Variants in ERC1 observed in about 807,000 individuals in gnomAD.
ERC1 encodes the protein ELKS/RAB6-interacting/CAST family member 1, also known as RAB6 interacting protein 2.
A neutral mutation model predicts 132.0 loss-of-function variants in ERC1; 56 were observed. The observed-to-expected ratio is 0.42, with a 90% CI of 0.34 to 0.53. The LOEUF is 0.53. Among genes scored for constraint, ERC1 ranks in the 20% least tolerant of loss-of-function variants. The pLI is 0.03. For missense variants in ERC1, 1,202 were observed against 1,349.9 expected, an observed-to-expected ratio of 0.89 and a Z score of 1.72; for synonymous variants, 478 against 476.1, an observed-to-expected ratio of 1.00 and a Z score of -0.05.
At chr12:1,326,540 C>T (rs969844514) in intron 15 of ERC1, among the ~76,000 whole-genome samples, 2 of 152,130 alleles carry the variant, frequency 1.3e-5, no homozygotes, top group Admixed American at 6.5e-5. Context: ...TTTATCAAAG[C>T]CAGAAAGACT....
intron 15 of ERC1, among the ~76,000 whole-genome samples, chr12:1,292,003 G>T (rs1054861311): frequency 2.6e-5 from 4 of 152,138 alleles, no homozygotes; most frequent in African/African-American, 9.7e-5. Flanking sequence ...AAGGATAAAA[G>T]GGAGCAGGGG....
At chr12:1,032,735 T>C (rs545028671) in intron 2 of ERC1, among the ~76,000 whole-genome samples, 16 of 152,230 alleles carry the variant, frequency 1.1e-4, no homozygotes, top group Non-Finnish European at 2.4e-4. Context: ...CATTTTTGAG[T>C]TGTCAGTACA....
At chr12:1,053,007 C>T (rs1217116781) in intron 2 of ERC1, among the ~76,000 whole-genome samples, 1 of 151,400 alleles carries the variant, frequency 6.6e-6, no homozygotes, top group Admixed American at 6.6e-5. Context: ...ATCATTTTAT[C>T]CTGTTTTTCT....
chr12:1,147,197 G>A (rs1950457858), intron 8 of ERC1, among the ~76,000 whole-genome samples: 1 of 152,158 alleles, frequency 6.6e-6, no homozygotes, highest in African/African-American at 2.4e-5. Context: ...TCCTTATCTT[G>A]TTCCAGTTCT....
At chr12:1,147,041 G>T (rs112164542) in intron 8 of ERC1, among the ~76,000 whole-genome samples, 1 of 152,108 alleles carries the variant, frequency 6.6e-6, no homozygotes, top group Non-Finnish European at 1.5e-5. Context: ...CATTTGGGTT[G>T]ATTCCAAGTC....
chr12:1,026,386 C>T (rs911884406), intron 1 of ERC1, among the ~76,000 whole-genome samples: 1 of 152,186 alleles, frequency 6.6e-6, no homozygotes, highest in African/African-American at 2.4e-5. Context: ...ACAGCCAAAC[C>T]ATATCACTCA....
chr12:1,192,730 A>T (rs921393133), intron 12 of ERC1, among the ~76,000 whole-genome samples: 4 of 152,182 alleles, frequency 2.6e-5, no homozygotes, highest in African/African-American at 9.7e-5. Context: ...GTCTTATACT[A>T]GAGTGAATTG....
Position 1,151,316 on chromosome 12 carries a change from A to T in ERC1, c.1737+9529A>T, listed in dbSNP as rs192137015. 2.5e-3 allele frequency among the ~76,000 whole-genome samples: 378 copies of T among 152,328 alleles called. 1 individual carries two copies. Among genetic ancestry groups the T allele is most frequent in the Admixed American group, 8.1e-3 (124 of 15,304 alleles). On this transcript the variant is annotated intron_variant, in intron 8 of 18. Transcript: ENST00000360905. ...AGGTTGTATGAATTTATTGGGGAAGAGGGAAGGCTACAAAGTAGTCAACCT... is the reference window on the plus strand; with the variant it reads ...AGGTTGTATGAATTTATTGGGGAAGTGGGAAGGCTACAAAGTAGTCAACCT...
intron 18 of ERC1, among the ~76,000 whole-genome samples, chr12:1,445,369 A>G (rs1051535521): frequency 1.4e-4 from 21 of 151,818 alleles, no homozygotes; most frequent in African/African-American, 4.8e-4. Flanking sequence ...AGCTGGGACT[A>G]CAGGCGCGTG....
chr12:1,436,691 GT>G (rs1266329054), intron 17 of ERC1, among the ~76,000 whole-genome samples: 26 of 151,990 alleles, frequency 1.7e-4, no homozygotes, highest in Non-Finnish European at 1.0e-4. Flanking sequence ...GCCTCAGAGG[GT>G]CAGAAGAGAG....
At chr12:1,381,090 C>G (rs1012306757) in intron 16 of ERC1, 1 of 152,188 alleles carries the variant, frequency 6.6e-6, no homozygotes, top group Non-Finnish European at 1.5e-5. Context: ...AGACATTCCT[C>G]AAAACACATC....
chr12:1,443,809 TG>T (rs1339394720), intron 17 of ERC1: 1 of 152,202 alleles, frequency 6.6e-6, no homozygotes. Flanking sequence ...AAGGAGTAGC[TG>T]TTCAAGCAGG....
intron 1 of ERC1, among the ~76,000 whole-genome samples, chr12:1,026,660 CAGTA>C (rs1193269015): frequency 2.0e-5 from 3 of 152,244 alleles, no homozygotes; most frequent in African/African-American, 7.2e-5. Flanking sequence ...TACATATAAA[CAGTA>C]AGTAAGCTCA....
chr12:1,228,784 G>A (rs1057302381), intron 12 of ERC1, among the ~76,000 whole-genome samples: 9 of 152,226 alleles, frequency 5.9e-5, no homozygotes, highest in African/African-American at 2.2e-4. Context: ...ATGATTGTGT[G>A]ATTTTTATCG....
At chr12:1,374,464 G>C (rs952322173) in intron 16 of ERC1, among the ~76,000 whole-genome samples, 1 of 152,144 alleles carries the variant, frequency 6.6e-6, no homozygotes, top group African/African-American at 2.4e-5. Flanking sequence ...ATCAGAGGAA[G>C]GGGCCAGGGC....
chr12:1,227,829 G>A (rs73027405), intron 12 of ERC1, among the ~76,000 whole-genome samples: 11,218 of 152,172 alleles, frequency 0.074, 793 homozygotes, highest in African/African-American at 0.19. Context: ...CAATTTCTGT[G>A]TATGGTCAGG....
intron 17 of ERC1, among the ~76,000 whole-genome samples, chr12:1,440,034 AC>A (rs1406196668): frequency 1.3e-5 from 2 of 152,156 alleles, no homozygotes; most frequent in East Asian, 3.8e-4. Context: ...TCACAATGAT[AC>A]ATATTTTGGG....
At position 1,284,424 on chromosome 12, in the gene ERC1, T is replaced by G. The variant is rs146248266; in HGVS notation, c.2620-5428T>G. On this transcript the variant is annotated intron_variant, in intron 14 of 18. Coordinates refer to ENST00000360905, the MANE Select transcript of ERC1 (RefSeq NM_178040.4). Reference sequence around the variant, plus strand: ...TGGGAGTGCAAATATCTATTTGATATACTGATTTCCTTTCTTTTGGATATA... The same window carrying G: ...TGGGAGTGCAAATATCTATTTGATAGACTGATTTCCTTTCTTTTGGATATA... Among the ~76,000 whole-genome samples, 769 of 152,272 alleles carry G rather than the reference T, an allele frequency of 5.1e-3. 9 individuals are homozygous for G. The highest frequency in any genetic ancestry group is 0.018 in the African/African-American group (737 of 41,544).
chr12:1,396,601 A>G (rs1227741157), intron 16 of ERC1, among the ~76,000 whole-genome samples: 1 of 152,242 alleles, frequency 6.6e-6, no homozygotes, highest in Non-Finnish European at 1.5e-5. Context: ...AAGAAGCTGC[A>G]TAAGCTTTTA....
Sources: allele counts gnomAD v4.1 joint callset (sites outside exome capture counted in the v4.1 genomes callset), GRCh38; gene constraint gnomAD v4.1.1; transcripts MANE v1.5; gene names NCBI Gene and HGNC (gene_info 2026-07-23, HGNC 2026-07-21).